GVQW3: variants seen among roughly 807,000 people sequenced by gnomAD.
GVQW3 encodes the protein protein GVQW3.
Under a neutral mutation model 12.5 loss-of-function variants are expected in GVQW3, and 7 were observed. That is an observed-to-expected ratio of 0.56 (90% CI 0.32 to 1.05). The LOEUF (loss-of-function observed/expected upper bound fraction) is 1.05, where lower values mean the gene tolerates loss of function less well. GVQW3 is among the 50% of genes least tolerant of loss of function. GVQW3 has a pLI of 0.04. For missense variants in GVQW3, 188 were observed against 190.8 expected, an observed-to-expected ratio of 0.99 and a Z score of 0.09; for synonymous variants, 71 against 67.2, an observed-to-expected ratio of 1.06 and a Z score of -0.28.
Position 76,405,132 on chromosome 11 carries a change from A to C in GVQW3, c.*1374A>C, listed in dbSNP as rs901541209. The C allele has an allele frequency of 2.0e-5, 3 of 151,964 alleles. No individual in the cohort carries two copies. The highest frequency in any genetic ancestry group is 2.0e-4 in the Admixed American group (3 of 15,260). 9.4% of individuals were successfully genotyped at this position (151,964 alleles called of 1,614,324 possible). A position where few individuals can be genotyped will look rare whatever the true frequency, so the allele number is the denominator to read the frequency against. Reference sequence around the variant, plus strand: ...AAGATGGCTGTGACACCCTGCCCTCACCTCCAAGTTCAAGGCAGGCAGGGG... The same window carrying C: ...AAGATGGCTGTGACACCCTGCCCTCCCCTCCAAGTTCAAGGCAGGCAGGGG... On this transcript the variant is annotated 3_prime_UTR_variant, in exon 2 of 2. Coordinates refer to ENST00000529331, the MANE Select transcript of GVQW3 (RefSeq NM_001347885.2).
chr11:76,396,400 C>T (rs4945080), intron 1 of GVQW3, among the ~76,000 whole-genome samples: 78,189 of 151,850 alleles, frequency 0.51, 21,255 homozygotes, highest in South Asian at 0.63. Context: ...CTGCAAACTA[C>T]GCTTCCCGGG....
At position 76,405,387 on chromosome 11, in the gene GVQW3, A is replaced by G. The variant is rs1437354326; in HGVS notation, c.*1629A>G. On this transcript the variant is annotated 3_prime_UTR_variant, in exon 2 of 2. Coordinates refer to ENST00000529331, the MANE Select transcript of GVQW3 (RefSeq NM_001347885.2). ...AGTCGGTACTCAATAAGCATTAGCT[A>G]TTTGGCGTGCCTGTGTGTGTTTGTG... The G allele has an allele frequency of 6.6e-6, 1 of 152,168 alleles. No individual in the cohort carries two copies. Among genetic ancestry groups the G allele is most frequent in the Admixed American group, 6.5e-5 (1 of 15,284 alleles). 9.4% of individuals were successfully genotyped at this position (152,168 alleles called of 1,614,324 possible).
intron 1 of GVQW3, chr11:76,382,890 C>G (rs1946792494): frequency 5.9e-6 from 1 of 169,248 alleles, no homozygotes; most frequent in Non-Finnish European, 1.3e-5. Flanking sequence ...GCCTGCTTTG[C>G]AGTCAGGGCC....
chr11:76,389,265 C>T (rs1259866808), intron 1 of GVQW3, among the ~76,000 whole-genome samples: 2 of 152,138 alleles, frequency 1.3e-5, no homozygotes, highest in African/African-American at 4.8e-5. Context: ...GATATGCAAA[C>T]TCTGGGTAGT....
chr11:76,409,606 C>T (rs1947068333), downstream of GVQW3, among the ~76,000 whole-genome samples: 2 of 152,224 alleles, frequency 1.3e-5, no homozygotes, highest in Non-Finnish European at 2.9e-5. Flanking sequence ...TTCCTCCTCA[C>T]CGCCCCTGAG....
At chr11:76,403,610 C>T (rs1312189091) in intron 1 of GVQW3, 50 bp from the exon 2 acceptor site, 1 of 443,872 alleles carries the variant, frequency 2.3e-6, no homozygotes, top group Non-Finnish European at 4.0e-6. Flanking sequence ...GGTGGAACTA[C>T]AAGCATGTGC....
chr11:76,395,237 T>C (rs2134551658), intron 1 of GVQW3: 1 of 152,338 alleles, frequency 6.6e-6, no homozygotes, highest in African/African-American at 2.4e-5. Context: ...CACTATCTAG[T>C]TCAGAACATC....
At chr11:76,396,361 C>G (rs1161285471) in intron 1 of GVQW3, among the ~76,000 whole-genome samples, 2 of 152,044 alleles carry the variant, frequency 1.3e-5, no homozygotes, top group African/African-American at 4.8e-5. Context: ...GTTGCCCAGG[C>G]TGGAGTACAG....
intron 1 of GVQW3, 95 bp from the exon 2 acceptor site, chr11:76,403,565 G>A: frequency 2.4e-6 from 1 of 419,948 alleles, no homozygotes; most frequent in East Asian, 3.5e-5. Context: ...GCATTCCTGG[G>A]CTCAAGCAGT....
chr11:76,383,538 T>G (rs1274881952), intron 1 of GVQW3: 1 of 152,304 alleles, frequency 6.6e-6, no homozygotes. Context: ...CCCAGCACTT[T>G]GGGAGACTGA....
intron 1 of GVQW3, among the ~76,000 whole-genome samples, chr11:76,385,957 C>G (rs1003455101): frequency 6.6e-6 from 1 of 152,190 alleles, no homozygotes; most frequent in Non-Finnish European, 1.5e-5. Flanking sequence ...TGTATTTTCC[C>G]TGGCAGGAGA....
chr11:76,399,165 G>A (rs752801497), intron 1 of GVQW3, among the ~76,000 whole-genome samples: 11 of 151,070 alleles, frequency 7.3e-5, no homozygotes, highest in Non-Finnish European at 1.2e-4. Context: ...CTTGAGACAC[G>A]GTCTCACTCT....
intron 1 of GVQW3, among the ~76,000 whole-genome samples, chr11:76,390,483 C>A (rs1451878176): frequency 6.6e-6 from 1 of 152,172 alleles, no homozygotes; most frequent in East Asian, 1.9e-4. Context: ...AAACAAGACC[C>A]CAAGAAATGT....
chr11:76,387,252 A>G (rs1446471138), intron 1 of GVQW3, among the ~76,000 whole-genome samples: 2 of 151,572 alleles, frequency 1.3e-5, no homozygotes, highest in African/African-American at 4.8e-5. Context: ...CTTGGCTAAC[A>G]TGGTAAAACC....
At chr11:76,383,779 A>ACCCC in intron 1 of GVQW3, 1 of 135,694 alleles carries the variant, frequency 7.4e-6, no homozygotes, top group Non-Finnish European at 1.6e-5. Context: ...CTCTGTCCCA[A>ACCCC]AAAAAAAAAA....
intron 1 of GVQW3, among the ~76,000 whole-genome samples, chr11:76,392,037 C>T (rs1310501123): frequency 6.6e-6 from 1 of 152,236 alleles, no homozygotes; most frequent in Admixed American, 6.5e-5. Context: ...GCACAGAGTA[C>T]AGCCCTTGTC....
At chr11:76,403,123 T>A (rs984316730) in intron 1 of GVQW3, among the ~76,000 whole-genome samples, 1 of 151,876 alleles carries the variant, frequency 6.6e-6, no homozygotes, top group Non-Finnish European at 1.5e-5. Context: ...AATTTTTGTA[T>A]TTTTAGTAGA....
At chr11:76,398,101 C>T (rs1022052531) in intron 1 of GVQW3, among the ~76,000 whole-genome samples, 2 of 146,784 alleles carry the variant, frequency 1.4e-5, no homozygotes, top group African/African-American at 2.5e-5. Context: ...CACCACTGCA[C>T]TCTAGCCTGG....
chr11:76,398,019 C>T (rs1056363820), intron 1 of GVQW3, among the ~76,000 whole-genome samples: 3 of 151,452 alleles, frequency 2.0e-5, no homozygotes, highest in African/African-American at 4.9e-5. Flanking sequence ...CCTGTAGTCT[C>T]AGCTACTCGG....
Sources: allele counts gnomAD v4.1 joint callset (sites outside exome capture counted in the v4.1 genomes callset), GRCh38; gene constraint gnomAD v4.1.1; transcripts MANE v1.5; gene names NCBI Gene and HGNC (gene_info 2026-07-23, HGNC 2026-07-21).